CCDC33: variants seen among roughly 807,000 people sequenced by gnomAD.
CCDC33 encodes the protein coiled-coil domain-containing protein 33.
CCDC33 carries 94 observed loss-of-function variants against 91.9 expected under a neutral mutation model. That is an observed-to-expected ratio of 1.02 (90% confidence interval 0.87 to 1.21). The LOEUF is 1.21. CCDC33 is among the 50% of genes most tolerant of loss of function. CCDC33 has a pLI of 0.00. For synonymous variants in CCDC33, 396 were observed against 374.5 expected (o/e 1.06, Z -0.66); for missense variants, 940 against 935.5 (o/e 1.00, Z -0.06).
intron 11 of CCDC33, among the ~76,000 whole-genome samples, chr15:74,328,428 A>G (rs1175106055): frequency 6.6e-6 from 1 of 152,210 alleles, no homozygotes; most frequent in Non-Finnish European, 1.5e-5. Context: ...CAGAAAGGTG[A>G]AGGGGCCTGG....
intron 11 of CCDC33, chr15:74,303,881 C>A (rs551471713): frequency 6.6e-6 from 1 of 152,492 alleles, no homozygotes; most frequent in Non-Finnish European, 1.5e-5. Context: ...CAGCTCTTTT[C>A]CCTTTCCTGT....
chr15:74,261,765 AGCCTG>A (rs2076030611), intron 2 of CCDC33, among the ~76,000 whole-genome samples: 1 of 152,148 alleles, frequency 6.6e-6, no homozygotes, highest in African/African-American at 2.4e-5. Context: ...CACCTTATAC[AGCCTG>A]GTCCTGAACA....
chr15:74,273,352 A>T (rs2076371227), intron 7 of CCDC33, among the ~76,000 whole-genome samples: 1 of 152,244 alleles, frequency 6.6e-6, no homozygotes. Flanking sequence ...AGTCCTGGAA[A>T]TAGATAGTGG....
chr15:74,240,109 C>T (rs184664656), intron 1 of CCDC33, among the ~76,000 whole-genome samples: 99 of 152,376 alleles, frequency 6.5e-4, no homozygotes, highest in African/African-American at 2.1e-3. Context: ...GCCTGCCCAG[C>T]GGGCACATGC....
intron 17 of CCDC33, among the ~76,000 whole-genome samples, chr15:74,334,648 T>TAGGGTAGAGTGTATATCCAGGGTC (rs1242114802): frequency 0.027 from 3,800 of 143,298 alleles, 166 homozygotes; most frequent in African/African-American, 0.1. Context: ...TGACCAGGGT[T>TAGGGTAGAGTGTATATCCAGGGTC]AGGGTTCAGT....
At position 74,272,776 on chromosome 15, in the gene CCDC33, G is replaced by GC; in HGVS notation, c.646dup (p.Gln216ProfsTer3). ...CTGTCTCCCTGCCTCCCCAGGGTCA[G>GC]CCAGGCTAACAGGGACCTGGCCTCT... On this transcript the variant is annotated frameshift_variant, in exon 7 of 19. Coordinates refer to ENST00000398814, the MANE Select transcript of CCDC33 (RefSeq NM_025055.5). LOFTEE classifies it high-confidence loss of function. The GC allele has an allele frequency of 1.2e-6, 2 of 1,614,022 alleles. No homozygotes were observed. The highest frequency in any genetic ancestry group is 1.7e-6 in the Non-Finnish European group (2 of 1,180,006).
At chr15:74,278,391 T>C (rs909190651) in intron 7 of CCDC33, among the ~76,000 whole-genome samples, 2 of 152,196 alleles carry the variant, frequency 1.3e-5, no homozygotes, top group Non-Finnish European at 2.9e-5. Context: ...GAGCAGGAGG[T>C]GGGAGCGGCT....
chr15:74,282,331 T>C (rs978234521), intron 10 of CCDC33, among the ~76,000 whole-genome samples: 2 of 152,068 alleles, frequency 1.3e-5, no homozygotes, highest in Non-Finnish European at 2.9e-5. Context: ...CACAATCCAG[T>C]TCCCTGCAGT....
At chr15:74,283,228 G>T (rs2059402922) in intron 10 of CCDC33, among the ~76,000 whole-genome samples, 1 of 152,194 alleles carries the variant, frequency 6.6e-6, no homozygotes, top group Non-Finnish European at 1.5e-5. Flanking sequence ...GGAGAAAAAG[G>T]TCACAAACTT....
intron 11 of CCDC33, among the ~76,000 whole-genome samples, chr15:74,324,827 G>A (rs1429567484): frequency 1.0e-5 from 1 of 99,104 alleles, no homozygotes; most frequent in Non-Finnish European, 2.1e-5. Context: ...CCAGACCTGC[G>A]CCTCCTCCAC....
intron 2 of CCDC33, among the ~76,000 whole-genome samples, chr15:74,211,829 C>A (rs1233372586): frequency 6.6e-6 from 1 of 152,090 alleles, no homozygotes; most frequent in Non-Finnish European, 1.5e-5. Flanking sequence ...AGTCTCCCTC[C>A]TTTCCTTCTG....
At chr15:74,213,878 G>A (rs752385434), upstream of CCDC33, among the ~76,000 whole-genome samples, 8 of 152,124 alleles carry the variant, frequency 5.3e-5, no homozygotes, top group South Asian at 8.3e-4. Context: ...TCACCTAATC[G>A]CAGTGGCCCA....
intron 7 of CCDC33, among the ~76,000 whole-genome samples, chr15:74,273,531 C>T (rs571645083): frequency 6.6e-6 from 1 of 152,250 alleles, no homozygotes; most frequent in African/African-American, 2.4e-5. Context: ...TGCAGTGGCG[C>T]AGTCTTGGCT....
chr15:74,221,439 C>G (rs1235339894), intron 2 of CCDC33: 1 of 481,496 alleles, frequency 2.1e-6, no homozygotes, highest in Non-Finnish European at 2.7e-6. Flanking sequence ...AGCCACGGCC[C>G]CTGGGTTACA....
chr15:74,266,849 G>A, intron 4 of CCDC33, 62 bp downstream of exon 4: 3 of 1,268,036 alleles, frequency 2.4e-6, no homozygotes, highest in Non-Finnish European at 3.5e-6. Flanking sequence ...AATGTCCCCA[G>A]CTATTCCCTC....
chr15:74,249,923 C>A (rs924935564), intron 2 of CCDC33, among the ~76,000 whole-genome samples: 3 of 152,214 alleles, frequency 2.0e-5, no homozygotes, highest in African/African-American at 7.2e-5. Context: ...CACTCTCCCA[C>A]CTTCCCCTAT....
intron 2 of CCDC33, among the ~76,000 whole-genome samples, chr15:74,220,201 G>C (rs1364370555): frequency 6.6e-6 from 1 of 152,160 alleles, no homozygotes; most frequent in Admixed American, 6.5e-5. Context: ...TAACTACGAG[G>C]ATGACCAAGG....
At chr15:74,289,635 A>C (rs2059547839) in intron 10 of CCDC33, among the ~76,000 whole-genome samples, 1 of 152,162 alleles carries the variant, frequency 6.6e-6, no homozygotes. Flanking sequence ...GGATTGCTTG[A>C]ACCTGGGAGG....
chr15:74,273,009 C>T (rs1228532589), intron 7 of CCDC33, 118 bp downstream of exon 7: 1 of 1,326,518 alleles, frequency 7.5e-7, no homozygotes, highest in Non-Finnish European at 1.1e-6. Context: ...TGACTGAATC[C>T]CACGGCATAC....
Sources: gnomAD v4.1 joint callset for allele counts (sites outside exome capture counted in the v4.1 genomes callset) on GRCh38, gnomAD v4.1.1 for gene constraint, MANE v1.5 for transcripts, NCBI Gene and HGNC (gene_info 2026-07-23, HGNC 2026-07-21) for gene names.